Variants in ARHGAP28 observed in about 807,000 individuals in gnomAD.
The protein encoded by ARHGAP28 is rho GTPase-activating protein 28.
ARHGAP28 carries 56 observed loss-of-function variants against 90.7 expected under a neutral mutation model. The observed-to-expected ratio is 0.62, with a 90% CI of 0.50 to 0.77. The LOEUF is 0.77. ARHGAP28 is among the 30% of genes least tolerant of loss of function. The pLI, the probability that ARHGAP28 is intolerant of heterozygous loss-of-function variation, is 0.00. For synonymous variants in ARHGAP28, 308 were observed against 323.3 expected, an observed-to-expected ratio of 0.95 and a Z score of 0.51; for missense variants, 869 against 900.9, an observed-to-expected ratio of 0.96 and a Z score of 0.45.
intron 15 of ARHGAP28, among the ~76,000 whole-genome samples, chr18:6,895,861 G>A (rs2057300970): frequency 6.6e-6 from 1 of 152,168 alleles, no homozygotes; most frequent in South Asian, 2.1e-4. Flanking sequence ...GATATCAATA[G>A]AACATTGATA....
rs11396757 is a variant in ARHGAP28 at position 6,915,519 on chromosome 18, AT to A, written c.*3372del. Reference sequence around the variant, plus strand: ...ACACTTACATACACCTTAATTAAAAATTTTTTTCTGTCAGACATTTACCAAC... The same window carrying A: ...ACACTTACATACACCTTAATTAAAAATTTTTTCTGTCAGACATTTACCAAC... On this transcript the variant is annotated 3_prime_UTR_variant, in exon 18 of 18. Coordinates refer to ENST00000383472, the MANE Select transcript of ARHGAP28 (RefSeq NM_001366230.1). 2.0e-5 allele frequency: 3 copies of A among 151,892 alleles called. No individual in the cohort carries two copies. Among genetic ancestry groups the A allele is most frequent in the East Asian group, 1.9e-4 (1 of 5,168 alleles). The allele number at this position is 151,892 out of a possible 1,614,324, so 9.4% of individuals were successfully genotyped here.
At chr18:6,797,350 C>T (rs1395097206) in intron 1 of ARHGAP28, among the ~76,000 whole-genome samples, 1 of 152,198 alleles carries the variant, frequency 6.6e-6, no homozygotes, top group Non-Finnish European at 1.5e-5. Context: ...CAAGGATTTC[C>T]GCCTTCTGGA....
intron 3 of ARHGAP28, among the ~76,000 whole-genome samples, chr18:6,840,747 A>G (rs1249395815): frequency 6.6e-6 from 1 of 152,316 alleles, no homozygotes; most frequent in East Asian, 1.9e-4. Flanking sequence ...GGGTGGGCAC[A>G]GGAGAAAGAA....
intron 1 of ARHGAP28, among the ~76,000 whole-genome samples, chr18:6,761,650 G>A (rs2056160950): frequency 6.6e-6 from 1 of 152,154 alleles, no homozygotes; most frequent in Non-Finnish European, 1.5e-5. Flanking sequence ...GGTCAGTGAG[G>A]GAATTGGGAA....
chr18:6,764,972 A>G (rs2056189198), intron 1 of ARHGAP28, among the ~76,000 whole-genome samples: 1 of 152,114 alleles, frequency 6.6e-6, no homozygotes, highest in African/African-American at 2.4e-5. Context: ...TTACACTGGA[A>G]AAAAAAAGAC....
intron 1 of ARHGAP28, among the ~76,000 whole-genome samples, chr18:6,760,624 A>G (rs2056151611): frequency 6.6e-6 from 1 of 152,244 alleles, no homozygotes; most frequent in Non-Finnish European, 1.5e-5. Context: ...ATTTCTCACT[A>G]AGAAAATGGA....
At chr18:6,739,293 G>A (rs1464490017) in intron 1 of ARHGAP28, among the ~76,000 whole-genome samples, 2 of 152,074 alleles carry the variant, frequency 1.3e-5, no homozygotes, top group Non-Finnish European at 2.9e-5. Context: ...CATAGTAGAG[G>A]TTATAAATAT....
At chr18:6,896,795 A>G in intron 16 of ARHGAP28, 169 bp downstream of exon 16, 1 of 715,944 alleles carries the variant, frequency 1.4e-6, no homozygotes, top group Non-Finnish European at 2.1e-6. Context: ...TAGTAGATAT[A>G]TGATTGCTAA....
chr18:6,853,580 C>T (rs2056927541), intron 4 of ARHGAP28, among the ~76,000 whole-genome samples: 1 of 151,608 alleles, frequency 6.6e-6, no homozygotes. Context: ...TCAAGTGATT[C>T]TCCTGCCTCA....
chr18:6,822,538 A>G (rs2056633447), intron 1 of ARHGAP28, among the ~76,000 whole-genome samples: 1 of 152,198 alleles, frequency 6.6e-6, no homozygotes, highest in African/African-American at 2.4e-5. Flanking sequence ...AGGTATTTCA[A>G]CTGCTAGAAT....
Position 6,898,399 on chromosome 18 carries a change from A to G in ARHGAP28, c.2030+1773A>G, listed in dbSNP as rs1256812289. On this transcript the variant is annotated intron_variant, in intron 16 of 17. Coordinates refer to ENST00000383472, the MANE Select transcript of ARHGAP28 (RefSeq NM_001366230.1). The stretch of plus-strand genomic sequence containing the variant: ...TTTTATATATAATATATACACATAT[A>G]CACACACACATTAACCCGTTTTCCA... 4.1e-6 allele frequency: 4 copies of G among 985,854 alleles called. No homozygotes were observed. In the East Asian group the frequency reaches 9.6e-5, roughly 24 times the overall value. The allele number at this position is 985,854 out of a possible 1,614,324, so 61.1% of individuals were successfully genotyped here.
intron 1 of ARHGAP28, chr18:6,754,823 G>C (rs901357849): frequency 6.6e-6 from 1 of 152,206 alleles, no homozygotes; most frequent in Non-Finnish European, 1.5e-5. Flanking sequence ...AGGGTAAGGA[G>C]GTCAGGGGGT....
intron 14 of ARHGAP28, among the ~76,000 whole-genome samples, chr18:6,891,769 T>A (rs1042667032): frequency 1.6e-4 from 25 of 152,040 alleles, no homozygotes; most frequent in Non-Finnish European, 3.4e-4. Context: ...TTAAAAAAAA[T>A]TTTGTAGAGA....
intron 1 of ARHGAP28, among the ~76,000 whole-genome samples, chr18:6,758,525 T>C (rs1363528368): frequency 1.3e-5 from 2 of 152,210 alleles, no homozygotes; most frequent in African/African-American, 4.8e-5. Flanking sequence ...GGTGTCTCCA[T>C]GTTAGCCAGG....
chr18:6,730,146 G>T, intron 1 of ARHGAP28: 1 of 453,938 alleles, frequency 2.2e-6, no homozygotes. Context: ...ACCAGCCTGG[G>T]CTGAAGTCGT....
At chr18:6,902,694 C>A (rs2057344297) in intron 16 of ARHGAP28, among the ~76,000 whole-genome samples, 1 of 152,104 alleles carries the variant, frequency 6.6e-6, no homozygotes, top group Non-Finnish European at 1.5e-5. Flanking sequence ...GAGAAGAAAT[C>A]TTGTGCACCA....
chr18:6,872,523 G>A (rs1227177440), intron 7 of ARHGAP28, among the ~76,000 whole-genome samples: 1 of 152,166 alleles, frequency 6.6e-6, no homozygotes, highest in Non-Finnish European at 1.5e-5. Flanking sequence ...TGAACTTAAA[G>A]CTTTATAATT....
intron 2 of ARHGAP28, among the ~76,000 whole-genome samples, chr18:6,832,119 G>A (rs1378330876): frequency 6.6e-6 from 1 of 151,780 alleles, no homozygotes; most frequent in Non-Finnish European, 1.5e-5. Flanking sequence ...TATAAGCATT[G>A]CTATCACTCC....
chr18:6,769,963 G>A (rs1600167476), intron 1 of ARHGAP28, among the ~76,000 whole-genome samples: 5 of 152,038 alleles, frequency 3.3e-5, no homozygotes, highest in Admixed American at 1.3e-4. Context: ...TTTCCTTATC[G>A]AGAATATTTT....
Sources: allele counts gnomAD v4.1 joint callset (sites outside exome capture counted in the v4.1 genomes callset), GRCh38; gene constraint gnomAD v4.1.1; transcripts MANE v1.5; gene names NCBI Gene and HGNC (gene_info 2026-07-23, HGNC 2026-07-21).